BAIAP2L1: variants seen among roughly 807,000 people sequenced by gnomAD.
BAIAP2L1 encodes BAR/IMD domain-containing adapter protein 2-like 1.
A neutral mutation model predicts 66.3 loss-of-function variants in BAIAP2L1; 35 were observed. The observed-to-expected ratio is 0.53, with a 90% CI of 0.40 to 0.70. The LOEUF is 0.70. Among genes scored for constraint, BAIAP2L1 ranks in the 30% least tolerant of loss-of-function variants. The pLI is 0.00. For missense variants in BAIAP2L1, 622 were observed against 656.9 expected (o/e 0.95, Z 0.58); for synonymous variants, 269 against 248.7 (o/e 1.08, Z -0.77).
rs192387386 is a variant in BAIAP2L1, at chr7:98,337,102, G to A, written c.215-16804C>T. 1.3e-3 allele frequency among the ~76,000 whole-genome samples: 193 copies of A among 152,276 alleles called. 1 individual carries two copies. The highest frequency in any genetic ancestry group is 4.4e-3 in the African/African-American group (181 of 41,556). On this transcript the variant is annotated intron_variant, in intron 3 of 13. Coordinates refer to ENST00000005260, the MANE Select transcript of BAIAP2L1 (RefSeq NM_018842.5). ...TTACTGTGCAAAGCGCACTGAGTCA[G>A]GGCCAACTAAAACTCTTCACGGGGT...
At chr7:98,349,694 G>A (rs1023789449) in intron 3 of BAIAP2L1, among the ~76,000 whole-genome samples, 10 of 151,080 alleles carry the variant, frequency 6.6e-5, no homozygotes, top group Non-Finnish European at 1.5e-5. Flanking sequence ...CCAGCATGGT[G>A]AAACCCCATC....
intron 3 of BAIAP2L1, 100 bp from the exon 4 acceptor site, chr7:98,320,398 C>T (rs191057844): frequency 7.5e-5 from 65 of 865,908 alleles, no homozygotes; most frequent in African/African-American, 6.1e-4. Flanking sequence ...TGCAAAGGCA[C>T]GATCTTGGCC....
chr7:98,307,322 T>A (rs752032875), intron 10 of BAIAP2L1: 97 of 905,460 alleles, frequency 1.1e-4, no homozygotes, highest in Admixed American at 1.4e-4. Context: ...GCCAGGCTGG[T>A]CTGGAACTCC....
At chr7:98,368,272 T>C (rs910393863) in intron 1 of BAIAP2L1, among the ~76,000 whole-genome samples, 2 of 151,336 alleles carry the variant, frequency 1.3e-5, no homozygotes, top group Non-Finnish European at 2.9e-5. Flanking sequence ...ATACAAAAAT[T>C]AGCGGGCGTG....
At chr7:98,308,177 C>T in intron 9 of BAIAP2L1, 1 of 584,818 alleles carries the variant, frequency 1.7e-6, no homozygotes. Flanking sequence ...GCGGTGTGTG[C>T]CGGGTTGATC....
At position 98,356,665 on chromosome 7, in the gene BAIAP2L1, TAAAAAAA is replaced by T. The variant is rs35660519; in HGVS notation, c.128-1544_128-1538del. On this transcript the variant is annotated intron_variant, in intron 2 of 13. Coordinates refer to ENST00000005260, the MANE Select transcript of BAIAP2L1 (RefSeq NM_018842.5). Reference sequence around the variant, plus strand: ...GCACGTGCCACCATTCCTGGCTAATTAAAAAAAAAAAAAAAAAAAAAATTGAAGGGGC... The same window carrying T: ...GCACGTGCCACCATTCCTGGCTAATTAAAAAAAAAAAAAAATTGAAGGGGC... Among the ~76,000 whole-genome samples, 6 of 106,768 alleles carry T rather than the reference TAAAAAAA, an allele frequency of 5.6e-5. No homozygotes were observed. The South Asian group carries it at 1.0e-3, about 18-fold the overall frequency. The allele number at this position is 106,768 out of a possible 152,430, so 70.0% of individuals were successfully genotyped here.
chr7:98,324,629 C>T (rs1801334043), intron 3 of BAIAP2L1, among the ~76,000 whole-genome samples: 4 of 152,054 alleles, frequency 2.6e-5, no homozygotes, highest in African/African-American at 9.7e-5. Context: ...GGGAGGATCG[C>T]TTGAGGCCAG....
rs1303904454 is a variant in BAIAP2L1 at position 98,294,094 on chromosome 7, A to T, written c.1440T>A (p.Thr480=). Residue 480 remains threonine (T), a synonymous_variant, in exon 13 of 14, where the codon ACT becomes ACA. Coordinates refer to ENST00000005260, the MANE Select transcript of BAIAP2L1 (RefSeq NM_018842.5). ...ETAAPNDANG[T]AKPPFLSGEN... ...CCTACCTGAGAAAAGGCGGCTTTGC[A>T]GTCCCGTTGGCATCGTTCTGTGAGA... is the stretch of plus-strand genomic sequence containing the variant. The T allele has an allele frequency of 6.2e-7, 1 of 1,614,044 alleles. No homozygotes were observed. The highest frequency in any genetic ancestry group is 2.2e-5 in the East Asian group (1 of 44,892).
chr7:98,331,297 G>C (rs1801489133), intron 3 of BAIAP2L1, among the ~76,000 whole-genome samples: 1 of 151,606 alleles, frequency 6.6e-6, no homozygotes, highest in African/African-American at 2.4e-5. Flanking sequence ...AAGAGAGAAG[G>C]GAACAAAAAC....
Position 98,307,784 on chromosome 7 carries a change from C to A in BAIAP2L1, c.1068G>T (p.Lys356Asn), listed in dbSNP as rs778447462. Residue 356 changes from lysine (K) to asparagine (N), a missense_variant, in exon 10 of 14, where the codon AAG (lysine) becomes AAT (asparagine). Coordinates refer to ENST00000005260, the MANE Select transcript of BAIAP2L1 (RefSeq NM_018842.5). The stretch of plus-strand genomic sequence containing the variant: ...CTCCCTGTGCAAAGCTGAGTAAGGT[C>A]TTGTTGGAGCCCGCAGTGTGCGGGA... ...TIFPHTAGSN[K>N]TLLSFAQGDV... The A allele has an allele frequency of 6.9e-5, 111 of 1,614,140 alleles. 1 individual carries two copies. The highest frequency in any genetic ancestry group is 6.5e-4 in the South Asian group (59 of 91,088).
At chr7:98,384,201 C>T (rs1219317601) in intron 1 of BAIAP2L1, among the ~76,000 whole-genome samples, 1 of 150,878 alleles carries the variant, frequency 6.6e-6, no homozygotes, top group Non-Finnish European at 1.5e-5. Flanking sequence ...GGAAATGTAC[C>T]GTCTTACACG....
intron 12 of BAIAP2L1, among the ~76,000 whole-genome samples, chr7:98,294,748 A>C (rs1241703674): frequency 6.6e-6 from 1 of 152,190 alleles, no homozygotes; most frequent in Non-Finnish European, 1.5e-5. Flanking sequence ...AATAAAAATA[A>C]AACCCCACTG....
chr7:98,315,040 G>A (rs2116886846), intron 7 of BAIAP2L1, among the ~76,000 whole-genome samples: 1 of 152,290 alleles, frequency 6.6e-6, no homozygotes, highest in South Asian at 2.1e-4. Flanking sequence ...AGTTTCTCTG[G>A]AATCTTTTCA....
rs769200120 is a variant in BAIAP2L1, at chr7:98,293,439, C to T, written c.*82G>A. 3.0e-5 allele frequency: 39 copies of T among 1,317,942 alleles called. No individual in the cohort carries two copies. The highest frequency in any genetic ancestry group is 1.1e-4 in the South Asian group (9 of 84,094). The allele number at this position is 1,317,942 out of a possible 1,614,324, so 81.6% of individuals were successfully genotyped here. On this transcript the variant is annotated 3_prime_UTR_variant, in exon 14 of 14. Coordinates refer to ENST00000005260, the MANE Select transcript of BAIAP2L1 (RefSeq NM_018842.5). ...GGCCTCTCCACTGAAGCTTCCCGAC[C>T]GTCAGCACGTGGCAGACAGGATGCG...
At chr7:98,379,783 C>T (rs1235058682) in intron 1 of BAIAP2L1, among the ~76,000 whole-genome samples, 1 of 152,150 alleles carries the variant, frequency 6.6e-6, no homozygotes, top group African/African-American at 2.4e-5. Flanking sequence ...ATAGATAAAA[C>T]CCATTACGCT....
chr7:98,332,882 C>G (rs1203581301), intron 3 of BAIAP2L1, among the ~76,000 whole-genome samples: 3 of 151,492 alleles, frequency 2.0e-5, no homozygotes, highest in African/African-American at 4.9e-5. Flanking sequence ...CCCATCTGCA[C>G]CCGGGGTTAA....
At chr7:98,371,806 T>C (rs1802516142) in intron 1 of BAIAP2L1, among the ~76,000 whole-genome samples, 1 of 151,888 alleles carries the variant, frequency 6.6e-6, no homozygotes, top group Non-Finnish European at 1.5e-5. Context: ...TCTTTTTTTT[T>C]TTTTCTGAGA....
At chr7:98,295,715 G>C (rs971065159) in intron 12 of BAIAP2L1, among the ~76,000 whole-genome samples, 2 of 152,070 alleles carry the variant, frequency 1.3e-5, no homozygotes, top group African/African-American at 4.8e-5. Flanking sequence ...GCTTATGCTA[G>C]GGGAAGGCGC....
At chr7:98,345,485 G>A (rs1801849067) in intron 3 of BAIAP2L1, among the ~76,000 whole-genome samples, 1 of 152,196 alleles carries the variant, frequency 6.6e-6, no homozygotes, top group South Asian at 2.1e-4. Flanking sequence ...AGCACTCTGG[G>A]AGGCCGAGGC....
Sources: gnomAD v4.1 joint callset for allele counts (sites outside exome capture counted in the v4.1 genomes callset) on GRCh38, gnomAD v4.1.1 for gene constraint, MANE v1.5 for transcripts, NCBI Gene and HGNC (gene_info 2026-07-23, HGNC 2026-07-21) for gene names.